CFAP221: variants seen among roughly 807,000 people sequenced by gnomAD.
CFAP221 encodes cilia and flagella associated protein 221.
A neutral mutation model predicts 113.1 loss-of-function variants in CFAP221; 97 were observed. The observed-to-expected ratio is 0.86, with a 90% confidence interval of 0.73 to 1.02. The LOEUF is 1.02. Among genes scored for constraint, CFAP221 ranks in the 50% least tolerant of loss-of-function variants. The probability of loss-of-function intolerance (pLI) is 0.00; values close to 1 mark genes in which losing one functional copy is unlikely to be tolerated. For synonymous variants in CFAP221, 331 were observed against 354.4 expected, an observed-to-expected ratio of 0.93 and a Z score of 0.74; for missense variants, 1,025 against 1,013.4, an observed-to-expected ratio of 1.01 and a Z score of -0.16.
chr2:119,624,213 A>G (rs571703273), intron 14 of CFAP221, among the ~76,000 whole-genome samples: 20 of 152,352 alleles, frequency 1.3e-4, no homozygotes, highest in African/African-American at 3.8e-4. Flanking sequence ...GGTGAAGTAT[A>G]TGAACGGACA....
At chr2:119,594,149 T>TGGTGACTATTCCTGTGATGAGGCATA (rs1683789352) in intron 7 of CFAP221, among the ~76,000 whole-genome samples, 1 of 152,252 alleles carries the variant, frequency 6.6e-6, no homozygotes, top group Non-Finnish European at 1.5e-5. Flanking sequence ...TCTTGAATTC[T>TGGTGACTATTCCTGTGATGAGGCATA]GGTGACTATT....
At position 119,576,342 on chromosome 2, in the gene CFAP221, CT is replaced by C. The variant is rs1682440766; in HGVS notation, c.528-10776del. 4.6e-5 allele frequency among the ~76,000 whole-genome samples: 7 copies of C among 152,246 alleles called. No homozygotes were observed. In the South Asian group the frequency reaches 1.5e-3, roughly 32 times the overall value. ...TAGCCAGTAGTTACTTTTCCTGCCC[CT>C]CTCCCTCCTCTCACCCTCCACACTC... On this transcript the variant is annotated intron_variant, in intron 6 of 23. Coordinates refer to ENST00000413369, the MANE Select transcript of CFAP221 (RefSeq NM_001271049.2).
At chr2:119,593,936 C>G (rs959075203) in intron 7 of CFAP221, among the ~76,000 whole-genome samples, 2 of 152,188 alleles carry the variant, frequency 1.3e-5, no homozygotes, top group African/African-American at 4.8e-5. Context: ...AGATGGTGCT[C>G]AGCCATTCAT....
chr2:119,575,133 A>G (rs1682347896), intron 6 of CFAP221, among the ~76,000 whole-genome samples: 4 of 152,148 alleles, frequency 2.6e-5, no homozygotes, highest in Admixed American at 2.6e-4. Context: ...TGCCTACTCT[A>G]AGAGAAAAGG....
chr2:119,631,010 A>G (rs1321323241), intron 19 of CFAP221, 109 bp downstream of exon 19: 11 of 1,491,074 alleles, frequency 7.4e-6, no homozygotes, highest in Non-Finnish European at 7.2e-6. Context: ...TGGAATTTCA[A>G]GTGTTAAACA....
intron 21 of CFAP221, among the ~76,000 whole-genome samples, chr2:119,646,472 AC>A (rs999430877): frequency 3.3e-5 from 5 of 152,178 alleles, no homozygotes; most frequent in African/African-American, 1.2e-4. Flanking sequence ...CTTTTAAACA[AC>A]CAGATCTCAA....
At chr2:119,595,662 C>T (rs1276133461) in intron 7 of CFAP221, among the ~76,000 whole-genome samples, 1 of 152,066 alleles carries the variant, frequency 6.6e-6, no homozygotes, top group Non-Finnish European at 1.5e-5. Flanking sequence ...CAAGACAGAC[C>T]TGGTCCCTGC....
At chr2:119,561,106 T>C (rs1681215541) in intron 5 of CFAP221, among the ~76,000 whole-genome samples, 1 of 151,992 alleles carries the variant, frequency 6.6e-6, no homozygotes, top group African/African-American at 2.4e-5. Context: ...CTGGCCAACA[T>C]GGTGAAACCC....
At chr2:119,570,984 A>T (rs1681999590) in intron 6 of CFAP221, among the ~76,000 whole-genome samples, 1 of 152,182 alleles carries the variant, frequency 6.6e-6, no homozygotes. Flanking sequence ...TGTACCATTT[A>T]CATTTCCACC....
intron 3 of CFAP221, among the ~76,000 whole-genome samples, chr2:119,551,174 T>G (rs549530187): frequency 5.9e-5 from 9 of 152,346 alleles, no homozygotes; most frequent in African/African-American, 2.2e-4. Context: ...GTTGGATTGT[T>G]TCCACATTGG....
chr2:119,644,124 G>A (rs1056337803), intron 21 of CFAP221, among the ~76,000 whole-genome samples: 4 of 151,994 alleles, frequency 2.6e-5, no homozygotes, highest in African/African-American at 2.4e-5. Flanking sequence ...CTGCACTCCC[G>A]CCTGGGCAGT....
intron 7 of CFAP221, among the ~76,000 whole-genome samples, chr2:119,591,021 G>A (rs1412687796): frequency 6.6e-6 from 1 of 152,180 alleles, no homozygotes; most frequent in Non-Finnish European, 1.5e-5. Flanking sequence ...GTGGCTATAT[G>A]ACTGCTTACA....
In CFAP221 at chr2:119,616,269, A is replaced by T. The variant is rs148543946; in HGVS notation, c.1410+560A>T. Among the ~76,000 whole-genome samples the T allele has an allele frequency of 5.8e-3, 882 of 152,306 alleles. 8 individuals carry two copies. The highest frequency in any genetic ancestry group is 0.02 in the African/African-American group (827 of 41,558). On this transcript the variant is annotated intron_variant, in intron 14 of 23. Coordinates refer to ENST00000413369, the MANE Select transcript of CFAP221 (RefSeq NM_001271049.2). ...TTCCTAGGCTTGTACATATTTTAGC[A>T]TGTATCAATACTTCATTCTTTTTAT...
chr2:119,622,943 C>G (rs986079917), intron 14 of CFAP221, among the ~76,000 whole-genome samples: 2 of 152,204 alleles, frequency 1.3e-5, no homozygotes, highest in African/African-American at 4.8e-5. Flanking sequence ...GAAGCATTCT[C>G]TTTGAAAACT....
chr2:119,615,613 A>G lies in CFAP221; in HGVS notation c.1314A>G (p.Lys438=), dbSNP rs1685468115. Residue 438 remains lysine, a splice_region_variant and synonymous_variant, in exon 14 of 24, where the codon AAA becomes AAG. Coordinates refer to ENST00000413369, the MANE Select transcript of CFAP221 (RefSeq NM_001271049.2). ...HKRVVRNQEE[K]IKEFHPTFDP... The stretch of plus-strand genomic sequence containing the variant: ...GTGCCTATATTTTATATTCACAGAA[A>G]ATCAAGGAATTTCATCCTACTTTTG... 3.1e-6 allele frequency: 5 copies of G among 1,602,574 alleles called. No individual in the cohort carries two copies. The highest frequency in any genetic ancestry group is 1.7e-5 in the Admixed American group (1 of 58,698).
intron 16 of CFAP221, among the ~76,000 whole-genome samples, chr2:119,629,542 G>A (rs1388270405): frequency 6.6e-6 from 1 of 152,106 alleles, no homozygotes; most frequent in Non-Finnish European, 1.5e-5. Context: ...GGGCTCCCCT[G>A]CCCCCAAGAG....
intron 6 of CFAP221, among the ~76,000 whole-genome samples, chr2:119,578,549 A>C (rs1226276167): frequency 6.6e-6 from 1 of 152,194 alleles, no homozygotes; most frequent in African/African-American, 2.4e-5. Context: ...GGGCCTATTA[A>C]CTCCAAGCTT....
chr2:119,634,894 G>A (rs921512741), intron 19 of CFAP221, among the ~76,000 whole-genome samples: 13 of 152,196 alleles, frequency 8.5e-5, no homozygotes, highest in African/African-American at 2.9e-4. Context: ...ACAATCTGCG[G>A]TACAACATCG....
intron 6 of CFAP221, among the ~76,000 whole-genome samples, chr2:119,565,791 A>G (rs1022522999): frequency 2.0e-5 from 3 of 152,198 alleles, no homozygotes; most frequent in Admixed American, 6.5e-5. Flanking sequence ...AAACTGTCCT[A>G]TGCTACATTC....
Sources: gnomAD v4.1 joint callset for allele counts (sites outside exome capture counted in the v4.1 genomes callset) on GRCh38, gnomAD v4.1.1 for gene constraint, MANE v1.5 for transcripts, NCBI Gene and HGNC (gene_info 2026-07-23, HGNC 2026-07-21) for gene names.